Variants in PCED1B observed in about 807,000 individuals in gnomAD.
The protein encoded by PCED1B is PC-esterase domain-containing protein 1B.
For synonymous variants in PCED1B, 251 were observed against 246.1 expected (o/e 1.02, Z -0.19); for missense variants, 573 against 573.9 (o/e 1.00, Z 0.02).
intron 2 of PCED1B, among the ~76,000 whole-genome samples, chr12:47,211,744 G>A (rs536298676): frequency 6.7e-6 from 1 of 149,868 alleles, no homozygotes; most frequent in South Asian, 2.1e-4. Flanking sequence ...GATCACTTGA[G>A]CCCAGAAGTT....
intron 2 of PCED1B, chr12:47,138,362 T>C (rs1267751487): frequency 6.6e-6 from 1 of 152,216 alleles, no homozygotes; most frequent in African/African-American, 2.4e-5. Flanking sequence ...TCTTAGCCTT[T>C]GTATTGCTTG....
At chr12:47,167,558 G>A (rs532312636) in intron 2 of PCED1B, among the ~76,000 whole-genome samples, 19 of 152,236 alleles carry the variant, frequency 1.2e-4, no homozygotes, top group Non-Finnish European at 2.4e-4. Context: ...AAGGACACAC[G>A]TGTACCCAGT....
At chr12:47,112,171 C>A (rs549917237) in intron 2 of PCED1B, among the ~76,000 whole-genome samples, 1 of 152,294 alleles carries the variant, frequency 6.6e-6, no homozygotes, top group African/African-American at 2.4e-5. Context: ...TTTTATTTAA[C>A]ACTTGTTCTA....
intron 2 of PCED1B, among the ~76,000 whole-genome samples, chr12:47,113,543 AC>A (rs1329948183): frequency 6.6e-6 from 1 of 152,056 alleles, no homozygotes; most frequent in Non-Finnish European, 1.5e-5. Context: ...CCCCTGTTCT[AC>A]CCCCACCTCC....
intron 1 of PCED1B, among the ~76,000 whole-genome samples, chr12:47,097,889 T>A (rs1230936587): frequency 6.6e-6 from 1 of 152,222 alleles, no homozygotes; most frequent in Non-Finnish European, 1.5e-5. Flanking sequence ...TCTGTGCAAT[T>A]TGTAGAAGAA....
chr12:47,232,137 T>G (rs1943827697), intron 3 of PCED1B, among the ~76,000 whole-genome samples: 1 of 152,206 alleles, frequency 6.6e-6, no homozygotes, highest in African/African-American at 2.4e-5. Context: ...TAAATGAATC[T>G]AAACAAATGA....
At chr12:47,229,831 G>A (rs938395802) in intron 3 of PCED1B, among the ~76,000 whole-genome samples, 5 of 149,528 alleles carry the variant, frequency 3.3e-5, no homozygotes, top group Middle Eastern at 3.6e-3. Context: ...GTGCAGTGGC[G>A]CGATCTTGGC....
At chr12:47,198,636 T>C (rs779081042) in intron 2 of PCED1B, among the ~76,000 whole-genome samples, 1 of 147,888 alleles carries the variant, frequency 6.8e-6, no homozygotes, top group Admixed American at 6.7e-5. Context: ...AAGAAAGAAA[T>C]AAAACTTTGT....
intron 3 of PCED1B, among the ~76,000 whole-genome samples, chr12:47,225,942 T>C (rs1943619523): frequency 6.6e-6 from 1 of 152,184 alleles, no homozygotes; most frequent in African/African-American, 2.4e-5. Flanking sequence ...GAAAGATAAA[T>C]GTTATGTGTT....
At chr12:47,135,643 C>G (rs148175647) in intron 2 of PCED1B, 4 of 503,574 alleles carry the variant, frequency 7.9e-6, no homozygotes, top group South Asian at 6.2e-5. Flanking sequence ...CATAGACTTC[C>G]TGTCCTAGAC....
At chr12:47,171,838 G>A (rs530020320) in intron 2 of PCED1B, among the ~76,000 whole-genome samples, 1 of 148,990 alleles carries the variant, frequency 6.7e-6, no homozygotes, top group Non-Finnish European at 1.5e-5. Context: ...TTCTTCTTCT[G>A]CTGCTGCTTC....
Position 47,236,417 on chromosome 12 carries a change from T to A in PCED1B, c.*55T>A, listed in dbSNP as rs1292734871. The A allele has an allele frequency of 1.4e-6, 2 of 1,438,352 alleles. No individual in the cohort carries two copies. Among genetic ancestry groups the A allele is most frequent in the Non-Finnish European group, 1.8e-6 (2 of 1,083,014 alleles). The allele number at this position is 1,438,352 out of a possible 1,614,324, so 89.1% of individuals were successfully genotyped here. On this transcript the variant is annotated 3_prime_UTR_variant, in exon 4 of 4. Transcript: ENST00000546455. ...AACATGGATTGGACAGATCTGACACTTCCTTTCCATTGCTTGGCCTGAACA... is the reference window on the plus strand; with the variant it reads ...AACATGGATTGGACAGATCTGACACATCCTTTCCATTGCTTGGCCTGAACA...
intron 1 of PCED1B, among the ~76,000 whole-genome samples, chr12:47,086,250 C>T (rs1937975608): frequency 6.6e-6 from 1 of 151,346 alleles, no homozygotes; most frequent in Non-Finnish European, 1.5e-5. Context: ...GTGAAGGTGG[C>T]ATGGTCCCCT....
chr12:47,142,734 A>G (rs1396308225), intron 2 of PCED1B, among the ~76,000 whole-genome samples: 3 of 152,200 alleles, frequency 2.0e-5, no homozygotes, highest in Non-Finnish European at 4.4e-5. Flanking sequence ...AAAAATCAGC[A>G]AATCAAAAAC....
chr12:47,211,084 A>G (rs1943063391), intron 2 of PCED1B, among the ~76,000 whole-genome samples: 1 of 152,168 alleles, frequency 6.6e-6, no homozygotes, highest in Admixed American at 6.5e-5. Flanking sequence ...GTAGAATTTT[A>G]AAAATCCCTT....
intron 1 of PCED1B, among the ~76,000 whole-genome samples, chr12:47,097,205 C>G: frequency 6.6e-6 from 1 of 152,180 alleles, no homozygotes; most frequent in Non-Finnish European, 1.5e-5. Context: ...CTATCTGTAT[C>G]AACCAGAAAT....
At chr12:47,124,608 T>C (rs1359258497) in intron 2 of PCED1B, among the ~76,000 whole-genome samples, 1 of 151,824 alleles carries the variant, frequency 6.6e-6, no homozygotes, top group African/African-American at 2.4e-5. Flanking sequence ...GGCTGGGTCA[T>C]GTGAGAGTTG....
At chr12:47,102,656 G>A (rs1004586344) in intron 1 of PCED1B, among the ~76,000 whole-genome samples, 1 of 152,174 alleles carries the variant, frequency 6.6e-6, no homozygotes, top group Admixed American at 6.5e-5. Context: ...AGTCCTGAGA[G>A]TCGCTTGTGT....
chr12:47,100,008 T>A (rs558719419), intron 1 of PCED1B, among the ~76,000 whole-genome samples: 142 of 152,312 alleles, frequency 9.3e-4, no homozygotes, highest in Non-Finnish European at 1.6e-3. Context: ...CTGAGCAATG[T>A]TTACATACTT....
Sources: gnomAD v4.1 joint callset for allele counts (sites outside exome capture counted in the v4.1 genomes callset) on GRCh38, gnomAD v4.1.1 for gene constraint, MANE v1.5 for transcripts, NCBI Gene and HGNC (gene_info 2026-07-23, HGNC 2026-07-21) for gene names.